Variants in KIF25 observed in about 807,000 individuals in gnomAD.
The protein encoded by KIF25 is kinesin family member 25.
In KIF25, 19 loss-of-function variants were observed where a neutral mutation model predicts 32.9. The observed-to-expected ratio is 0.58, with a 90% confidence interval of 0.40 to 0.85. The LOEUF (loss-of-function observed/expected upper bound fraction) is 0.85. Among genes scored for constraint, KIF25 ranks in the 40% least tolerant of loss-of-function variants. KIF25 has a pLI of 0.00. For synonymous variants in KIF25, 225 were observed against 213.7 expected, an observed-to-expected ratio of 1.05 and a Z score of -0.46; for missense variants, 485 against 507.0, an observed-to-expected ratio of 0.96 and a Z score of 0.42.
intron 12 of KIF25, among the ~76,000 whole-genome samples, chr6:168,044,139 AG>A (rs66490155): frequency 0.087 from 13,159 of 151,850 alleles, 692 homozygotes; most frequent in East Asian, 0.21. Context: ...GAGGGGCGCT[AG>A]TGACCGGCTG....
intron 4 of KIF25, among the ~76,000 whole-genome samples, chr6:168,014,193 C>G (rs17608447): frequency 0.2 from 30,541 of 151,940 alleles, 3,485 homozygotes; most frequent in East Asian, 0.27. Flanking sequence ...TTCTACGCTT[C>G]CCTGTTTGCA....
chr6:168,036,359 C>G (rs1438442171), intron 8 of KIF25, among the ~76,000 whole-genome samples: 1 of 152,170 alleles, frequency 6.6e-6, no homozygotes, highest in African/African-American at 2.4e-5. Flanking sequence ...TAATTATGAC[C>G]CAGTAGAAAA....
intron 8 of KIF25, among the ~76,000 whole-genome samples, chr6:168,037,867 C>T (rs565733600): frequency 3.9e-4 from 60 of 152,256 alleles, no homozygotes; most frequent in African/African-American, 1.3e-3. Context: ...AGGCATGCAC[C>T]ACCACGCCCA....
intron 12 of KIF25, among the ~76,000 whole-genome samples, chr6:168,043,583 C>G (rs955663254): frequency 6.6e-6 from 1 of 152,236 alleles, no homozygotes; most frequent in African/African-American, 2.4e-5. Context: ...GGGCTGTTCA[C>G]AGGAGCATAT....
Position 168,044,884 on chromosome 6 carries a change from C to A in KIF25, c.1043C>A (p.Ala348Glu), listed in dbSNP as rs202094020. The A allele has an allele frequency of 6.2e-7, 1 of 1,612,734 alleles. No homozygotes were observed. The highest frequency in any genetic ancestry group is 1.7e-5 in the Admixed American group (1 of 59,976). ...ATTTCTCCCAGCCAGAGGCACCTGG[C>A]ACAGACGTTGCAGGGCCTGGGTTTC... Reference protein sequence around the residue: ...LCISPSQRHLAQTLQGLGFGI... With the variant: ...LCISPSQRHLEQTLQGLGFGI... The change falls in exon 13 of 13, where the codon GCA becomes GAA. Residue 348 changes from alanine (A) to glutamate (E), a missense_variant. Coordinates refer to ENST00000643607, the MANE Select transcript of KIF25 (RefSeq NM_030615.4).
intron 4 of KIF25, among the ~76,000 whole-genome samples, chr6:168,010,410 G>T (rs982536610): frequency 3.9e-5 from 6 of 152,010 alleles, no homozygotes; most frequent in Admixed American, 3.9e-4. Flanking sequence ...CATGTTGCTC[G>T]ATTTCCATGT....
chr6:168,027,950 G>A (rs9455934), intron 5 of KIF25, among the ~76,000 whole-genome samples: 11,080 of 152,002 alleles, frequency 0.073, 524 homozygotes, highest in Admixed American at 0.11. Flanking sequence ...TCAGTCTGTC[G>A]TTTGCTTCTG....
chr6:168,042,544 G>A lies in KIF25; in HGVS notation c.830-17G>A, dbSNP rs199617561. ...TTCTTGGTGCAAACGGTGATGGTGC[G>A]TGGCGGTCCTGTCCAGGTGTGTCTG... is the stretch of plus-strand genomic sequence containing the variant. On this transcript the variant is annotated splice_polypyrimidine_tract_variant and intron_variant, in intron 11 of 12. Transcript: ENST00000643607. The A allele has an allele frequency of 4.5e-5, 73 of 1,607,598 alleles. No homozygotes were observed. Among genetic ancestry groups the A allele is most frequent in the African/African-American group, 1.5e-4 (11 of 74,776 alleles).
At chr6:168,022,566 C>T (rs745544696) in intron 5 of KIF25, among the ~76,000 whole-genome samples, 12 of 152,190 alleles carry the variant, frequency 7.9e-5, no homozygotes, top group African/African-American at 2.7e-4. Flanking sequence ...GCTAGGATTA[C>T]AGGCATGACT....
At chr6:168,039,215 C>T (rs907114142) in intron 9 of KIF25, among the ~76,000 whole-genome samples, 1 of 152,112 alleles carries the variant, frequency 6.6e-6, no homozygotes, top group Admixed American at 6.6e-5. Flanking sequence ...GGGCGTCATC[C>T]CATCTGACAG....
intron 5 of KIF25, among the ~76,000 whole-genome samples, chr6:168,028,506 G>T (rs985462573): frequency 4.6e-5 from 7 of 152,194 alleles, no homozygotes; most frequent in Non-Finnish European, 8.8e-5. Context: ...TCTCAGAGAA[G>T]GTTCCAGTGT....
At chr6:168,034,976 A>C (rs1458600162) in intron 8 of KIF25, among the ~76,000 whole-genome samples, 1 of 152,138 alleles carries the variant, frequency 6.6e-6, no homozygotes, top group Non-Finnish European at 1.5e-5. Flanking sequence ...TGGATGGTGC[A>C]TGTCATTAAA....
In KIF25 at chr6:168,044,895, C is replaced by T; in HGVS notation, c.1054C>T (p.Gln352Ter). Residue 352 changes from glutamine (Q) to a stop codon, truncating the protein, a stop_gained, in exon 13 of 13, where the codon CAG becomes TAG. Transcript: ENST00000643607. LOFTEE classifies it low-confidence loss of function (END_TRUNC). ...PSQRHLAQTL[Q>*]GLGFGIRARQ... is the part of the protein sequence containing the mutation. The stretch of plus-strand genomic sequence containing the variant: ...CCAGAGGCACCTGGCACAGACGTTG[C>T]AGGGCCTGGGTTTCGGGATCCGAGC... 1 of 1,612,976 alleles carries T rather than the reference C, an allele frequency of 6.2e-7. No individual in the cohort carries two copies.
chr6:168,042,669 C>T lies in KIF25; in HGVS notation c.938C>T (p.Ala313Val), dbSNP rs145318234. 7 of 1,613,504 alleles carry T rather than the reference C, an allele frequency of 4.3e-6. No homozygotes were observed. Among genetic ancestry groups the T allele is most frequent in the African/African-American group, 1.3e-5 (1 of 75,058 alleles). ...LGALLEHRGH[A>V]PYRNSRLTHL... ...GCTTTGTTGGAGCACCGTGGCCATG[C>T]CCCGTACCGGAACAGCAGGCTCACC... The change falls in exon 12 of 13, where the codon GCC becomes GTC. Residue 313 changes from alanine to valine, a missense_variant. Physicochemically the swap from Ala to Val is moderately conservative, Grantham distance 64. Around this residue, in one of 2 missense-constraint regions of KIF25, gnomAD observed 480 missense variants for 470.3 expected, o/e 1.02. Transcript: ENST00000643607.
At chr6:168,029,770 T>C (rs1365175124) in intron 6 of KIF25, 93 bp downstream of exon 6, 2 of 1,461,756 alleles carry the variant, frequency 1.4e-6, no homozygotes, top group African/African-American at 2.8e-5. Context: ...TACTTTTGTA[T>C]CTTGGTGTAT....
In KIF25 at chr6:168,034,004, T is replaced by C. The variant is rs528450789; in HGVS notation, c.290T>C (p.Ile97Thr). The C allele has an allele frequency of 2.3e-5, 37 of 1,614,120 alleles. No individual in the cohort carries two copies. In the Admixed American group the frequency reaches 3.3e-4, roughly 15 times the overall value. ...GACCCACAGAGTGACTTAGGAATTA[T>C]CCCTAGAGTGGCTGAGGAGCTCTTC... ...PLDPQSDLGI[I>T]PRVAEELFRL... Residue 97 changes from isoleucine (I) to threonine (T), a missense_variant, in exon 8 of 13, where the codon ATC (isoleucine) becomes ACC (threonine). Physicochemically the swap from Ile to Thr is moderately conservative, Grantham distance 89. Coordinates refer to ENST00000643607, the MANE Select transcript of KIF25 (RefSeq NM_030615.4).
At chr6:168,005,180 G>A (rs1026340505) in intron 4 of KIF25, among the ~76,000 whole-genome samples, 13 of 152,146 alleles carry the variant, frequency 8.5e-5, no homozygotes, top group Admixed American at 1.3e-4. Flanking sequence ...GGCATTGTTG[G>A]GACAGTGGGG....
chr6:168,031,110 A>G (rs887854420), intron 7 of KIF25, among the ~76,000 whole-genome samples: 2 of 152,214 alleles, frequency 1.3e-5, no homozygotes, highest in African/African-American at 4.8e-5. Flanking sequence ...CTTTAGTTAC[A>G]GTGCATGTGG....
In KIF25 at chr6:168,036,365, G is replaced by T. The variant is rs562197463; in HGVS notation, c.318-2188G>T. On this transcript the variant is annotated intron_variant, in intron 8 of 12. Coordinates refer to ENST00000643607, the MANE Select transcript of KIF25 (RefSeq NM_030615.4). ...GGAAACGGGTAATTATGACCCAGTA[G>T]AAAATGGGCAGGAACAGATGGCAGA... Among the ~76,000 whole-genome samples the T allele has an allele frequency of 6.3e-4, 96 of 152,330 alleles. No homozygotes were observed. The Middle Eastern group carries it at 0.02, about 32-fold the overall frequency.
Sources: gnomAD v4.1 joint callset for allele counts (sites outside exome capture counted in the v4.1 genomes callset) on GRCh38, gnomAD v4.1.1 for gene constraint, gnomAD v4.1.1 regional missense constraint, MANE v1.5 for transcripts, NCBI Gene and HGNC (gene_info 2026-07-23, HGNC 2026-07-21) for gene names.